LYPD6B: variants seen among roughly 807,000 people sequenced by gnomAD.
The protein encoded by LYPD6B is LY6/PLAUR domain containing 6B.
Under a neutral mutation model 22.8 loss-of-function variants are expected in LYPD6B, and 17 were observed. The observed-to-expected ratio is 0.75, with a 90% CI of 0.51 to 1.12. The LOEUF is 1.12. Among genes scored for constraint, LYPD6B ranks in the 50% most tolerant of loss-of-function variants. The pLI is 0.00. For missense variants in LYPD6B, 221 were observed against 258.3 expected, an observed-to-expected ratio of 0.86 and a Z score of 0.99; for synonymous variants, 106 against 91.6, an observed-to-expected ratio of 1.16 and a Z score of -0.90.
intron 1 of LYPD6B, among the ~76,000 whole-genome samples, chr2:149,083,737 A>G (rs1022217015): frequency 2.6e-5 from 4 of 152,130 alleles, no homozygotes; most frequent in Non-Finnish European, 5.9e-5. Flanking sequence ...TGCTGTCTCA[A>G]TATTACTGAT....
intron 3 of LYPD6B, chr2:149,188,732 G>C: frequency 1.0e-6 from 1 of 967,670 alleles, no homozygotes. Context: ...CTCCAGAGAG[G>C]TAGTTTTAAA....
At chr2:149,129,521 G>C (rs1217156362) in intron 1 of LYPD6B, among the ~76,000 whole-genome samples, 1 of 152,204 alleles carries the variant, frequency 6.6e-6, no homozygotes, top group African/African-American at 2.4e-5. Context: ...AAGTATAAAT[G>C]ACTAATAAGC....
chr2:149,189,618 A>G (rs940568779), intron 3 of LYPD6B, among the ~76,000 whole-genome samples: 2 of 151,934 alleles, frequency 1.3e-5, no homozygotes, highest in African/African-American at 4.8e-5. Context: ...AGTGCTGCTA[A>G]TAGCCAGCAC....
chr2:149,091,763 A>G (rs1473061951), intron 1 of LYPD6B, among the ~76,000 whole-genome samples: 1 of 152,172 alleles, frequency 6.6e-6, no homozygotes, highest in Non-Finnish European at 1.5e-5. Context: ...TCTCCTGTGA[A>G]TCACATACTG....
intron 1 of LYPD6B, among the ~76,000 whole-genome samples, chr2:149,065,199 G>A (rs183328955): frequency 5.9e-5 from 9 of 152,260 alleles, no homozygotes; most frequent in African/African-American, 1.9e-4. Flanking sequence ...CCTATTCTTA[G>A]ACATCCAACA....
At chr2:149,065,956 C>T (rs948663331) in intron 1 of LYPD6B, among the ~76,000 whole-genome samples, 1 of 152,090 alleles carries the variant, frequency 6.6e-6, no homozygotes, top group African/African-American at 2.4e-5. Flanking sequence ...AAGAGATCTG[C>T]CCACCTTGGC....
chr2:149,076,263 C>A (rs13027580), intron 1 of LYPD6B, among the ~76,000 whole-genome samples: 56,618 of 152,020 alleles, frequency 0.37, 10,722 homozygotes, highest in South Asian at 0.44. Flanking sequence ...CCTGGACAGA[C>A]TAGATTAACT....
At chr2:149,212,009 G>A (rs1693883015) in intron 5 of LYPD6B, among the ~76,000 whole-genome samples, 1 of 151,806 alleles carries the variant, frequency 6.6e-6, no homozygotes, top group Non-Finnish European at 1.5e-5. Context: ...AAGTAAAAGA[G>A]GAGGAAAAAA....
chr2:149,043,532 G>A (rs1015780382), intron 1 of LYPD6B, among the ~76,000 whole-genome samples: 5 of 152,086 alleles, frequency 3.3e-5, no homozygotes, highest in Non-Finnish European at 7.4e-5. Flanking sequence ...CAATAATTTG[G>A]ATATAAGTCT....
chr2:149,081,553 CCTGTAGGAAACAAGGAACT>C (rs1685136034), intron 1 of LYPD6B, among the ~76,000 whole-genome samples: 1 of 152,106 alleles, frequency 6.6e-6, no homozygotes, highest in Non-Finnish European at 1.5e-5. Flanking sequence ...AACCCCATTG[CCTGTAGGAAACAAGGAACT>C]CAGTGTGTGG....
chr2:149,122,100 T>A (rs1687394508), intron 1 of LYPD6B, among the ~76,000 whole-genome samples: 1 of 152,190 alleles, frequency 6.6e-6, no homozygotes, highest in Non-Finnish European at 1.5e-5. Context: ...CAAGCATGGT[T>A]CATATTTCAC....
chr2:149,098,643 A>AAAAAAAAAAAAAAAAAG (rs57783804), intron 1 of LYPD6B, among the ~76,000 whole-genome samples: 8 of 130,956 alleles, frequency 6.1e-5, no homozygotes, highest in Admixed American at 8.1e-5. Flanking sequence ...AAAAAAAAAA[A>AAAAAAAAAAAAAAAAAG]AAAAAAGAAA....
rs145633236 is a variant in LYPD6B, at chr2:149,166,977, A to G, written c.77+6142A>G. ...ATCCTAGGGTTATTTTCCCCATACC[A>G]GTGGAAACCCTGTTACCTTCATAAT... On this transcript the variant is annotated intron_variant, in intron 3 of 6. Coordinates refer to ENST00000409642, the MANE Select transcript of LYPD6B (RefSeq NM_177964.5). 3.2e-3 allele frequency among the ~76,000 whole-genome samples: 486 copies of G among 152,144 alleles called. 2 individuals are homozygous for G. The highest frequency in any genetic ancestry group is 5.2e-3 in the Non-Finnish European group (354 of 68,006).
At chr2:149,074,506 C>T (rs907806232) in intron 1 of LYPD6B, among the ~76,000 whole-genome samples, 6 of 152,308 alleles carry the variant, frequency 3.9e-5, no homozygotes, top group Admixed American at 1.3e-4. Flanking sequence ...TCCAGCAACA[C>T]GAACCTGACT....
intron 3 of LYPD6B, among the ~76,000 whole-genome samples, chr2:149,167,914 G>GT (rs1244326872): frequency 6.6e-6 from 1 of 151,580 alleles, no homozygotes; most frequent in East Asian, 1.9e-4. Context: ...TTTTGTTTTT[G>GT]TTTTTTTAAA....
chr2:149,162,321 G>A (rs11695116), intron 3 of LYPD6B, among the ~76,000 whole-genome samples: 40,975 of 152,054 alleles, frequency 0.27, 7,058 homozygotes, highest in East Asian at 0.55. Context: ...CTGTAAGGAA[G>A]GGTCTATTAA....
chr2:149,145,154 C>T (rs1422089557), intron 2 of LYPD6B, among the ~76,000 whole-genome samples: 2 of 152,028 alleles, frequency 1.3e-5, no homozygotes, highest in African/African-American at 4.8e-5. Flanking sequence ...AAATCAGTAC[C>T]ACTGATGGTG....
At chr2:149,117,932 T>A (rs995258508) in intron 1 of LYPD6B, among the ~76,000 whole-genome samples, 3 of 152,170 alleles carry the variant, frequency 2.0e-5, no homozygotes, top group African/African-American at 7.2e-5. Context: ...ACGTCTAGGC[T>A]AGGGCTGTGG....
intron 1 of LYPD6B, among the ~76,000 whole-genome samples, chr2:149,058,776 C>T (rs570797334): frequency 3.3e-5 from 5 of 152,274 alleles, no homozygotes; most frequent in East Asian, 1.9e-4. Context: ...TCTGCCACGA[C>T]GCCCAGCTAA....
Sources: gnomAD v4.1 joint callset for allele counts (sites outside exome capture counted in the v4.1 genomes callset) on GRCh38, gnomAD v4.1.1 for gene constraint, MANE v1.5 for transcripts, NCBI Gene and HGNC (gene_info 2026-07-23, HGNC 2026-07-21) for gene names.